LRRC37A2: variants seen among roughly 807,000 people sequenced by gnomAD.
LRRC37A2 encodes leucine rich repeat containing 37 member A2.
Under a neutral mutation model 68.8 loss-of-function variants are expected in LRRC37A2, and 9 were observed. The ratio of observed to expected loss-of-function variants is 0.13; its 90% CI spans 0.08 to 0.23. LRRC37A2 has a LOEUF of 0.23. Among genes scored for constraint, LRRC37A2 ranks in the 10% least tolerant of loss-of-function variants. The probability of loss-of-function intolerance (pLI) is 1.00; values close to 1 mark genes in which losing one functional copy is unlikely to be tolerated. For missense variants in LRRC37A2, 168 were observed against 950.4 expected (o/e 0.18, Z 10.82); for synonymous variants, 63 against 367.6 (o/e 0.17, Z 9.48).
At chr17:46,899,554 T>A in the LRRC37A2 span, among the ~76,000 whole-genome samples, 6 of 152,124 alleles carry the variant, frequency 3.9e-5, no homozygotes, top group African/African-American at 1.4e-4. Flanking sequence ...ATATGAAATG[T>A]CCAGAATAGA....
chr17:46,990,739 C>T, the LRRC37A2 span, among the ~76,000 whole-genome samples: 10 of 151,964 alleles, frequency 6.6e-5, no homozygotes, highest in East Asian at 1.3e-3. Flanking sequence ...GGCACGATCT[C>T]GGCTCACTGC....
chr17:46,771,439 G>C, the LRRC37A2 span, among the ~76,000 whole-genome samples: 1 of 150,490 alleles, frequency 6.6e-6, no homozygotes, highest in African/African-American at 2.4e-5. Flanking sequence ...GGCCTCTCGC[G>C]GCGGCAGCGG....
chr17:46,968,046 A>G, the LRRC37A2 span, among the ~76,000 whole-genome samples: 4 of 152,154 alleles, frequency 2.6e-5, no homozygotes, highest in Admixed American at 2.0e-4. Flanking sequence ...TGGGAAGAGG[A>G]CCAGCCTGGG....
At chr17:46,789,502 G>A in the LRRC37A2 span, among the ~76,000 whole-genome samples, 11 of 152,334 alleles carry the variant, frequency 7.2e-5, no homozygotes, top group Non-Finnish European at 1.2e-4. Context: ...AGAATGGTAT[G>A]AGATGATGCA....
the LRRC37A2 span, among the ~76,000 whole-genome samples, chr17:46,717,627 G>A: frequency 3.9e-5 from 6 of 152,136 alleles, no homozygotes; most frequent in Admixed American, 6.5e-5. Context: ...CAGGAGAATC[G>A]CTTGAACCCG....
At chr17:46,792,366 T>G in the LRRC37A2 span, among the ~76,000 whole-genome samples, 1 of 152,206 alleles carries the variant, frequency 6.6e-6, no homozygotes, top group Admixed American at 6.5e-5. Flanking sequence ...GGGGTACATT[T>G]ATTTGGGTAG....
the LRRC37A2 span, among the ~76,000 whole-genome samples, chr17:46,714,679 G>A: frequency 4.6e-5 from 7 of 152,200 alleles, no homozygotes; most frequent in Non-Finnish European, 7.3e-5. Context: ...TTAAATGGCT[G>A]TTCCATCTTA....
At chr17:46,737,584 TGTG>T in the LRRC37A2 span, among the ~76,000 whole-genome samples, 1 of 151,692 alleles carries the variant, frequency 6.6e-6, no homozygotes, top group Non-Finnish European at 1.5e-5. Context: ...TGTGTGTGTG[TGTG>T]TGTGTGTGTG....
At chr17:46,688,284 G>A in the LRRC37A2 span, among the ~76,000 whole-genome samples, 1 of 150,968 alleles carries the variant, frequency 6.6e-6, no homozygotes, top group Non-Finnish European at 1.5e-5. Flanking sequence ...GCCAAGGTGG[G>A]AGGATCACTT....
chr17:46,964,363 C>T, the LRRC37A2 span: 3 of 152,428 alleles, frequency 2.0e-5, no homozygotes, highest in African/African-American at 4.8e-5. Context: ...GATTTCTAGA[C>T]TTCTGATGGA....
At chr17:46,771,935 C>G in the LRRC37A2 span, among the ~76,000 whole-genome samples, 19 of 147,014 alleles carry the variant, frequency 1.3e-4, no homozygotes, top group Admixed American at 1.3e-3. Flanking sequence ...GCCCGCCGCG[C>G]CGCCGCCGCG....
the LRRC37A2 span, among the ~76,000 whole-genome samples, chr17:46,741,770 T>TTG: frequency 5.9e-5 from 9 of 151,604 alleles, no homozygotes; most frequent in African/African-American, 9.7e-5. Context: ...GGTTTTTGTT[T>TTG]TTGTTGTTGT....
chr17:46,499,126 C>A, the LRRC37A2 span, among the ~76,000 whole-genome samples: 2 of 145,096 alleles, frequency 1.4e-5, no homozygotes, highest in Non-Finnish European at 3.0e-5. Context: ...ACCAGCCTGG[C>A]CAACATGGTG....
the LRRC37A2 span, chr17:46,755,357 GAGA>G: frequency 3.1e-6 from 5 of 1,613,346 alleles, no homozygotes; most frequent in East Asian, 2.2e-5. Flanking sequence ...GCCCTCTTAA[GAGA>G]AGAAGGAGCG....
At chr17:46,746,427 A>G in the LRRC37A2 span, among the ~76,000 whole-genome samples, 1 of 152,194 alleles carries the variant, frequency 6.6e-6, no homozygotes, top group Non-Finnish European at 1.5e-5. Flanking sequence ...AATGTGTCTT[A>G]TTGACAGTAG....
chr17:47,032,489 G>A, the LRRC37A2 span, among the ~76,000 whole-genome samples: 459 of 152,286 alleles, frequency 3.0e-3, 4 homozygotes, highest in African/African-American at 0.01. Context: ...TCCTGTAATA[G>A]GAGCTGAATG....
chr17:46,827,839 T>G, the LRRC37A2 span, among the ~76,000 whole-genome samples: 1 of 151,294 alleles, frequency 6.6e-6, no homozygotes, highest in Non-Finnish European at 1.5e-5. Context: ...AGGCAGAGTC[T>G]TGCTCTGTCT....
At chr17:46,941,955 T>C in the LRRC37A2 span, 1 of 985,236 alleles carries the variant, frequency 1.0e-6, no homozygotes. Flanking sequence ...GTCTCAAAGA[T>C]GATCACATTG....
chr17:46,992,403 G>A, the LRRC37A2 span, among the ~76,000 whole-genome samples: 1 of 152,140 alleles, frequency 6.6e-6, no homozygotes, highest in African/African-American at 2.4e-5. Flanking sequence ...CAGCTGTTAG[G>A]TTTGGCTGCG....
Sources: gnomAD v4.1 joint callset for allele counts (sites outside exome capture counted in the v4.1 genomes callset) on GRCh38, gnomAD v4.1.1 for gene constraint, MANE v1.5 for transcripts, NCBI Gene and HGNC (gene_info 2026-07-23, HGNC 2026-07-21) for gene names.